The following FIRRM variants were observed in gnomAD, a reference collection of about 807,000 sequenced individuals.
FIRRM encodes the protein FIGNL1 interacting regulator of recombination and mitosis.
chr1:169,798,000 CAAAT>C, the FIRRM span, among the ~76,000 whole-genome samples: 18 of 151,844 alleles, frequency 1.2e-4, no homozygotes, highest in African/African-American at 3.9e-4. Flanking sequence ...GAATTTCAGT[CAAAT>C]AAAGTTGGTA....
the FIRRM span, among the ~76,000 whole-genome samples, chr1:169,813,048 C>T: frequency 0.7 from 106,890 of 152,050 alleles, 37,770 homozygotes; most frequent in Middle Eastern, 0.85. Flanking sequence ...CATAGCCAAT[C>T]AACATATAAG....
the FIRRM span, among the ~76,000 whole-genome samples, chr1:169,840,567 G>GT: frequency 6.6e-6 from 1 of 151,148 alleles, no homozygotes; most frequent in African/African-American, 2.4e-5. Flanking sequence ...CTGGAGTGCA[G>GT]TGGTGTGATC....
At chr1:169,786,584 C>T in the FIRRM span, among the ~76,000 whole-genome samples, 1 of 152,046 alleles carries the variant, frequency 6.6e-6, no homozygotes, top group African/African-American at 2.4e-5. Flanking sequence ...AAAAAATGCC[C>T]ACACACTGAA....
the FIRRM span, chr1:169,851,770 A>G: frequency 2.5e-6 from 4 of 1,593,048 alleles, no homozygotes; most frequent in South Asian, 3.4e-5. Flanking sequence ...TATCTAGTAG[A>G]GTGCTAACAT....
chr1:169,832,845 T>C, the FIRRM span, among the ~76,000 whole-genome samples: 2 of 152,114 alleles, frequency 1.3e-5, no homozygotes, highest in South Asian at 2.1e-4. Flanking sequence ...TGGGCTCAAG[T>C]GATCCATCTC....
At chr1:169,805,792 C>T in the FIRRM span, among the ~76,000 whole-genome samples, 1 of 152,148 alleles carries the variant, frequency 6.6e-6, no homozygotes, top group African/African-American at 2.4e-5. Flanking sequence ...GTATAAACTT[C>T]AGAAGTTAAT....
the FIRRM span, chr1:169,853,214 A>G: frequency 1.8e-6 from 1 of 545,370 alleles, no homozygotes. Context: ...ACAAAGAACC[A>G]TTTACTCAGA....
At chr1:169,844,881 G>T in the FIRRM span, among the ~76,000 whole-genome samples, 3 of 152,096 alleles carry the variant, frequency 2.0e-5, no homozygotes, top group Non-Finnish European at 4.4e-5. Context: ...TAAATTGGGG[G>T]TTTGCAGATT....
the FIRRM span, among the ~76,000 whole-genome samples, chr1:169,800,189 A>G: frequency 6.6e-6 from 1 of 152,154 alleles, no homozygotes; most frequent in Non-Finnish European, 1.5e-5. Context: ...GCGTGCTACC[A>G]TGCGTGGCTA....
the FIRRM span, among the ~76,000 whole-genome samples, chr1:169,792,166 C>G: frequency 1.3e-5 from 2 of 152,166 alleles, no homozygotes; most frequent in Non-Finnish European, 2.9e-5. Flanking sequence ...AAAACCTCTT[C>G]CTATTTACAT....
At chr1:169,834,145 A>G in the FIRRM span, among the ~76,000 whole-genome samples, 2 of 152,190 alleles carry the variant, frequency 1.3e-5, no homozygotes, top group Admixed American at 1.3e-4. Flanking sequence ...GATAAATTAT[A>G]GTTTATGCCT....
At chr1:169,823,243 G>A in the FIRRM span, among the ~76,000 whole-genome samples, 6 of 148,286 alleles carry the variant, frequency 4.0e-5, no homozygotes, top group African/African-American at 1.2e-4. Context: ...AGAGTGAAAC[G>A]CTATCTCAAA....
the FIRRM span, chr1:169,829,386 G>T: frequency 6.2e-7 from 1 of 1,613,792 alleles, no homozygotes. Context: ...CCTTGTATCA[G>T]CATGTTTGTG....
At chr1:169,847,951 CTATT>C in the FIRRM span, 2 of 523,088 alleles carry the variant, frequency 3.8e-6, no homozygotes, top group South Asian at 3.0e-5. Flanking sequence ...ATTATAAAAT[CTATT>C]TATAACTTAT....
At chr1:169,786,915 C>T in the FIRRM span, among the ~76,000 whole-genome samples, 4 of 152,164 alleles carry the variant, frequency 2.6e-5, no homozygotes, top group South Asian at 6.2e-4. Flanking sequence ...GATCCGTGAC[C>T]GCTCTACTGG....
At chr1:169,793,443 A>G in the FIRRM span, 3 of 1,614,200 alleles carry the variant, frequency 1.9e-6, no homozygotes, top group Non-Finnish European at 2.5e-6. Context: ...AAGTTCCTTG[A>G]ACTGCTGGCT....
chr1:169,842,354 G>A, the FIRRM span: 43 of 1,529,522 alleles, frequency 2.8e-5, no homozygotes, highest in Non-Finnish European at 3.7e-5. Context: ...TAGTTAAGTC[G>A]GCTCTTGGTG....
At chr1:169,799,739 A>G in the FIRRM span, among the ~76,000 whole-genome samples, 1 of 151,982 alleles carries the variant, frequency 6.6e-6, no homozygotes, top group South Asian at 2.1e-4. Flanking sequence ...TTTAGTAGAG[A>G]TGGGGTTTCA....
chr1:169,839,274 C>A, the FIRRM span, among the ~76,000 whole-genome samples: 1 of 152,016 alleles, frequency 6.6e-6, no homozygotes. Flanking sequence ...TGTTTTCTTT[C>A]GGATATGTAC....
Sources: allele counts gnomAD v4.1 joint callset (sites outside exome capture counted in the v4.1 genomes callset), GRCh38; gene constraint gnomAD v4.1.1; transcripts MANE v1.5; gene names NCBI Gene and HGNC (gene_info 2026-07-23, HGNC 2026-07-21).